GMCL1: variants seen among roughly 807,000 people sequenced by gnomAD.
The protein encoded by GMCL1 is germ cell-less protein-like 1.
In GMCL1, 54 loss-of-function variants were observed where a neutral mutation model predicts 75.5. The observed-to-expected ratio is 0.71, with a 90% confidence interval of 0.57 to 0.90. The LOEUF (loss-of-function observed/expected upper bound fraction) is 0.90. Ranked by LOEUF, GMCL1 falls within the 40% of genes least tolerant of loss-of-function variation. The pLI is 0.00. For missense variants in GMCL1, 537 were observed against 622.7 expected (o/e 0.86, Z 1.47); for synonymous variants, 210 against 209.6 (o/e 1.00, Z -0.02).
intron 13 of GMCL1, among the ~76,000 whole-genome samples, chr2:69,876,052 G>A (rs1676121605): frequency 6.6e-6 from 1 of 152,170 alleles, no homozygotes; most frequent in African/African-American, 2.4e-5. Flanking sequence ...TTTTGATAAT[G>A]TAAGAAAGTT....
At chr2:69,869,944 C>A in intron 12 of GMCL1, 80 bp downstream of exon 12, 1 of 1,406,940 alleles carries the variant, frequency 7.1e-7, no homozygotes, top group Non-Finnish European at 9.7e-7. Context: ...TTTACACCAA[C>A]ATTAGTAGAA....
chr2:69,861,652 T>C (rs541666700), intron 10 of GMCL1, among the ~76,000 whole-genome samples: 2 of 152,322 alleles, frequency 1.3e-5, no homozygotes, highest in Admixed American at 1.3e-4. Flanking sequence ...ACTGAACTAT[T>C]ATTTGAGGTA....
At position 69,829,743 on chromosome 2, in the gene GMCL1, A is replaced by G. The variant is rs879733725; in HGVS notation, c.-150A>G. ...ACGCTGCGGGCGGGGAAGAGGATGG[A>G]GACTGTGGCGTCCGCTGCAACGGTT... On this transcript the variant is annotated 5_prime_UTR_variant, in exon 1 of 14. Transcript: ENST00000282570. 19 of 861,332 alleles carry G rather than the reference A, an allele frequency of 2.2e-5. No individual in the cohort carries two copies. Among genetic ancestry groups the G allele is most frequent in the Non-Finnish European group, 3.3e-5 (19 of 581,008 alleles). The allele number at this position is 861,332 out of a possible 1,614,324, so 53.4% of individuals were successfully genotyped here. A position where few individuals can be genotyped will look rare whatever the true frequency, so the allele number is the denominator to read the frequency against.
chr2:69,843,235 C>T lies in GMCL1; in HGVS notation c.666C>T (p.Thr222=). The T allele has an allele frequency of 6.3e-7, 1 of 1,599,818 alleles. No homozygotes were observed. Residue 222 remains threonine, a synonymous_variant, in exon 5 of 14, where the codon ACC becomes ACT. Coordinates refer to ENST00000282570, the MANE Select transcript of GMCL1 (RefSeq NM_178439.5). ...TVCGYYTSAG[T]YGLDSVKKKC... Reference sequence around the variant, plus strand: ...GTGGCTATTACACATCAGCAGGGACCTATGGATTAGATTCTGTAAAGAAAA... The same window carrying T: ...GTGGCTATTACACATCAGCAGGGACTTATGGATTAGATTCTGTAAAGAAAA...
At chr2:69,859,255 C>T (rs1346866198) in intron 9 of GMCL1, among the ~76,000 whole-genome samples, 1 of 151,470 alleles carries the variant, frequency 6.6e-6, no homozygotes, top group African/African-American at 2.4e-5. Flanking sequence ...TCATGAAATG[C>T]CATATGCTAT....
At chr2:69,848,945 G>A (rs1675231133) in intron 7 of GMCL1, among the ~76,000 whole-genome samples, 1 of 152,076 alleles carries the variant, frequency 6.6e-6, no homozygotes. Context: ...AGACAAAGAA[G>A]CTCCTTTTTC....
chr2:69,867,190 C>T lies in GMCL1; in HGVS notation c.1218+2215C>T, dbSNP rs527750665. On this transcript the variant is annotated intron_variant, in intron 11 of 13. Coordinates refer to ENST00000282570, the MANE Select transcript of GMCL1 (RefSeq NM_178439.5). ...CAGACTCCTGGGCTCAAGTGGTCCT[C>T]CTACCTTGGCCTCCCAAATTGTTGA... Among the ~76,000 whole-genome samples the T allele has an allele frequency of 1.2e-3, 190 of 152,216 alleles. 3 individuals carry two copies. The highest frequency in any genetic ancestry group is 2.5e-3 in the Non-Finnish European group (171 of 68,028).
chr2:69,853,202 A>AC (rs1675369668), intron 8 of GMCL1, among the ~76,000 whole-genome samples: 1 of 152,142 alleles, frequency 6.6e-6, no homozygotes, highest in Non-Finnish European at 1.5e-5. Flanking sequence ...TTCTCAGCAC[A>AC]CCCCCTGAAA....
At position 69,843,226 on chromosome 2, in the gene GMCL1, A is replaced by T. The variant is rs1312211251; in HGVS notation, c.657A>T (p.Ser219=). 6.2e-7 allele frequency: 1 copy of T among 1,606,192 alleles called. No individual in the cohort carries two copies. The highest frequency in any genetic ancestry group is 2.2e-5 in the East Asian group (1 of 44,798). The change falls in exon 5 of 14, where the codon TCA becomes TCT. Residue 219 remains serine, a synonymous_variant. Transcript: ENST00000282570. ...NVKTVCGYYT[S]AGTYGLDSVK... ...AAACTGTATGTGGCTATTACACATC[A>T]GCAGGGACCTATGGATTAGATTCTG...
At position 69,829,988 on chromosome 2, in the gene GMCL1, G is replaced by A. The variant is rs1416957223; in HGVS notation, c.96G>A (p.Pro32=). The change falls in exon 1 of 14, where the codon CCG becomes CCA. Residue 32 remains proline (P), a synonymous_variant. Coordinates refer to ENST00000282570, the MANE Select transcript of GMCL1 (RefSeq NM_178439.5). ...GGGCGGGGGGCTCGGCCCGGAGGCC[G>A]GACACTGGAGACGATGCGGCGGGCC... ...GARAGGSARR[P]DTGDDAAGHG... 7.0e-6 allele frequency: 11 copies of A among 1,580,718 alleles called. No homozygotes were observed. Among genetic ancestry groups the A allele is most frequent in the South Asian group, 1.1e-5 (1 of 87,026 alleles).
chr2:69,836,873 C>G (rs1674832219), intron 1 of GMCL1, among the ~76,000 whole-genome samples: 1 of 152,132 alleles, frequency 6.6e-6, no homozygotes, highest in Admixed American at 6.5e-5. Context: ...ACAGTTCACT[C>G]CTTAGCTCTC....
At chr2:69,863,619 C>G (rs1675720862) in intron 10 of GMCL1, among the ~76,000 whole-genome samples, 1 of 152,162 alleles carries the variant, frequency 6.6e-6, no homozygotes, top group Non-Finnish European at 1.5e-5. Context: ...AAATTTGGCT[C>G]ATACTATTTT....
chr2:69,852,981 G>C (rs748438144), intron 8 of GMCL1, among the ~76,000 whole-genome samples: 7 of 152,266 alleles, frequency 4.6e-5, no homozygotes, highest in East Asian at 3.9e-4. Context: ...TTGGCTGATG[G>C]AATAAGTATG....
intron 9 of GMCL1, among the ~76,000 whole-genome samples, chr2:69,856,132 A>G (rs911305170): frequency 1.2e-4 from 19 of 152,224 alleles, no homozygotes; most frequent in African/African-American, 4.3e-4. Flanking sequence ...ATTATTTATC[A>G]CATTGTGAAG....
Position 69,836,127 on chromosome 2 carries a change from G to C in GMCL1, c.261-1420G>C, listed in dbSNP as rs1296940178. 5.9e-5 allele frequency among the ~76,000 whole-genome samples: 9 copies of C among 152,128 alleles called. 1 individual carries two copies. The highest frequency in any genetic ancestry group is 5.9e-4 in the Admixed American group (9 of 15,284). On this transcript the variant is annotated intron_variant, in intron 1 of 13. Coordinates refer to ENST00000282570, the MANE Select transcript of GMCL1 (RefSeq NM_178439.5). ...TTCTTACTTCTGCCTTTGTTTCCCTGAGACCTCATCCTTCTTTTCTCCCAA... is the reference window on the plus strand; with the variant it reads ...TTCTTACTTCTGCCTTTGTTTCCCTCAGACCTCATCCTTCTTTTCTCCCAA...
At chr2:69,854,992 T>C in intron 9 of GMCL1, 32 bp downstream of exon 9, 1 of 1,466,948 alleles carries the variant, frequency 6.8e-7, no homozygotes, top group Non-Finnish European at 9.4e-7. Context: ...TTTTAAGTAA[T>C]ATATTTCTGA....
intron 7 of GMCL1, among the ~76,000 whole-genome samples, chr2:69,848,787 A>G (rs1409332112): frequency 1.2e-4 from 18 of 152,246 alleles, no homozygotes; most frequent in Non-Finnish European, 4.4e-5. Flanking sequence ...TTAATGTCCT[A>G]TGAGGTAAAC....
At chr2:69,832,653 TA>T (rs1674708492) in intron 1 of GMCL1, among the ~76,000 whole-genome samples, 1 of 152,236 alleles carries the variant, frequency 6.6e-6, no homozygotes, top group Non-Finnish European at 1.5e-5. Flanking sequence ...TTAAAACAGA[TA>T]TCAAGTAAAC....
rs1026718497 is a variant in GMCL1 at position 69,829,927 on chromosome 2, C to T, written c.35C>T (p.Pro12Leu). ...GSLSSRVLRQ[P>L]RPALAQQAQG... ...TTGAGCAGCCGGGTGCTGCGCCAGC[C>T]AAGACCAGCCCTTGCCCAGCAGGCG... is the stretch of plus-strand genomic sequence containing the variant. Residue 12 changes from proline (P) to leucine (L), a missense_variant, in exon 1 of 14, where the codon CCA becomes CTA. By Grantham distance (98) the Pro-to-Leu change is moderately conservative. Transcript: ENST00000282570. The T allele has an allele frequency of 1.2e-6, 2 of 1,604,682 alleles. No homozygotes were observed. The highest frequency in any genetic ancestry group is 1.3e-5 in the African/African-American group (1 of 74,714).
Sources: gnomAD v4.1 joint callset for allele counts (sites outside exome capture counted in the v4.1 genomes callset) on GRCh38, gnomAD v4.1.1 for gene constraint, MANE v1.5 for transcripts, NCBI Gene and HGNC (gene_info 2026-07-23, HGNC 2026-07-21) for gene names.